The following PDE1C variants were observed in gnomAD, a reference collection of about 807,000 sequenced individuals.
PDE1C encodes dual specificity calcium/calmodulin-dependent 3',5'-cyclic nucleotide phosphodiesterase 1C.
PDE1C carries 62 observed loss-of-function variants against 93.1 expected under a neutral mutation model. The ratio of observed to expected loss-of-function variants is 0.67; its 90% CI spans 0.54 to 0.82. PDE1C has a LOEUF of 0.82. Among genes scored for constraint, PDE1C ranks in the 40% least tolerant of loss-of-function variants. The probability of loss-of-function intolerance (pLI) is 0.00; values close to 1 mark genes in which losing one functional copy is unlikely to be tolerated. For missense variants in PDE1C, 742 were observed against 884.6 expected (o/e 0.84, Z 2.04); for synonymous variants, 325 against 310.1 (o/e 1.05, Z -0.50).
At chr7:31,997,675 A>G (rs1386928148) in intron 2 of PDE1C, among the ~76,000 whole-genome samples, 1 of 152,196 alleles carries the variant, frequency 6.6e-6, no homozygotes, top group African/African-American at 2.4e-5. Flanking sequence ...AGATAACTTG[A>G]TATTTGAGAC....
At chr7:31,891,902 T>C (rs1194366883) in intron 2 of PDE1C, among the ~76,000 whole-genome samples, 1 of 152,098 alleles carries the variant, frequency 6.6e-6, no homozygotes, top group Non-Finnish European at 1.5e-5. Flanking sequence ...TATCAGTATC[T>C]TGGGTTGTGA....
At chr7:32,119,347 C>A (rs1368197495) in intron 3 of PDE1C, among the ~76,000 whole-genome samples, 1 of 152,178 alleles carries the variant, frequency 6.6e-6, no homozygotes, top group Non-Finnish European at 1.5e-5. Context: ...ACTTCAGGCT[C>A]CTGTTGGTAG....
At chr7:32,342,326 T>G (rs1783774370) in intron 1 of PDE1C, among the ~76,000 whole-genome samples, 2 of 152,218 alleles carry the variant, frequency 1.3e-5, no homozygotes, top group African/African-American at 2.4e-5. Context: ...CAACTTGAGT[T>G]AATCAATAAC....
intron 1 of PDE1C, among the ~76,000 whole-genome samples, chr7:32,284,003 C>G (rs1038459382): frequency 6.6e-6 from 1 of 152,114 alleles, no homozygotes; most frequent in African/African-American, 2.4e-5. Flanking sequence ...AGAAGCATCC[C>G]GAGGACATTT....
At chr7:32,387,768 C>T (rs1321942728) in intron 1 of PDE1C, among the ~76,000 whole-genome samples, 1,465 of 144,738 alleles carry the variant, frequency 0.01, 33 homozygotes, top group African/African-American at 0.037. Flanking sequence ...GCAGAGGCGC[C>T]CCTCACCTCC....
intron 1 of PDE1C, among the ~76,000 whole-genome samples, chr7:32,367,262 C>A (rs913674796): frequency 5.3e-5 from 8 of 152,044 alleles, no homozygotes; most frequent in Admixed American, 3.9e-4. Context: ...AAAGCCAATA[C>A]AGAAAGGAGA....
the PDE1C span, among the ~76,000 whole-genome samples, chr7:31,634,556 G>A: frequency 6.6e-6 from 1 of 152,276 alleles, no homozygotes; most frequent in African/African-American, 2.4e-5. Context: ...TCAGACTCCA[G>A]TAGAGCAGGC....
At chr7:31,823,985 C>T (rs1297191967) in intron 13 of PDE1C, among the ~76,000 whole-genome samples, 2 of 152,074 alleles carry the variant, frequency 1.3e-5, no homozygotes, top group Non-Finnish European at 2.9e-5. Context: ...GCCATGGGGA[C>T]TCTGGCAGGG....
chr7:31,707,065 T>C, the PDE1C span: 4 of 667,910 alleles, frequency 6.0e-6, no homozygotes, highest in Non-Finnish European at 5.0e-6. Context: ...CTTCTCTGGG[T>C]TGGTACTGTT....
chr7:31,982,901 C>T (rs1812581569), intron 2 of PDE1C, among the ~76,000 whole-genome samples: 1 of 152,178 alleles, frequency 6.6e-6, no homozygotes, highest in South Asian at 2.1e-4. Flanking sequence ...GACCAGTTAG[C>T]TCCTCTCTCC....
At chr7:31,987,181 G>T (rs17160741) in intron 2 of PDE1C, among the ~76,000 whole-genome samples, 10,776 of 151,976 alleles carry the variant, frequency 0.071, 575 homozygotes, top group East Asian at 0.3. Context: ...TTAGTGGAGC[G>T]GTGTTTTTAA....
In PDE1C at chr7:32,346,178, A is replaced by T. The variant is rs373015938; in HGVS notation, c.310+81644T>A. On this transcript the variant is annotated intron_variant, in intron 1 of 1. Coordinates refer to the PDE1C transcript ENST00000672256. ...TGCAGTTGCACATGGCCCCACACTCAGAAGGGCCTCTGAACTTAGGATTGA... is the reference window on the plus strand; with the variant it reads ...TGCAGTTGCACATGGCCCCACACTCTGAAGGGCCTCTGAACTTAGGATTGA... Among the ~76,000 whole-genome samples the T allele has an allele frequency of 4.6e-5, 7 of 152,346 alleles. 1 individual carries two copies. The highest frequency in any genetic ancestry group is 1.9e-4 in the East Asian group (1 of 5,178).
chr7:31,651,220 C>T, the PDE1C span: 7 of 1,613,442 alleles, frequency 4.3e-6, no homozygotes, highest in Middle Eastern at 1.6e-4. Flanking sequence ...TGAACAGCAC[C>T]TTATGGGACA....
At chr7:32,260,316 T>C (rs1810105803) in intron 1 of PDE1C, among the ~76,000 whole-genome samples, 1 of 152,248 alleles carries the variant, frequency 6.6e-6, no homozygotes, top group South Asian at 2.1e-4. Flanking sequence ...TCTGTGACCC[T>C]GGAAACCTTA....
At chr7:32,143,839 G>A (rs1800671523) in intron 3 of PDE1C, among the ~76,000 whole-genome samples, 1 of 152,098 alleles carries the variant, frequency 6.6e-6, no homozygotes, top group Admixed American at 6.6e-5. Context: ...GAAATTTGGT[G>A]TCCCTTACGT....
At chr7:31,662,978 T>C in the PDE1C span, among the ~76,000 whole-genome samples, 4 of 152,202 alleles carry the variant, frequency 2.6e-5, no homozygotes. Context: ...TAACTCTTCC[T>C]TGTCCTACAA....
At chr7:32,209,080 T>C (rs904050704) in intron 2 of PDE1C, among the ~76,000 whole-genome samples, 7 of 152,220 alleles carry the variant, frequency 4.6e-5, no homozygotes, top group Non-Finnish European at 1.0e-4. Context: ...ATTGAAAGGA[T>C]AGTCCTAGCA....
chr7:31,837,692 G>C (rs1225338059), intron 10 of PDE1C, among the ~76,000 whole-genome samples, 178 bp downstream of exon 10: 1 of 152,186 alleles, frequency 6.6e-6, no homozygotes, highest in Non-Finnish European at 1.5e-5. Flanking sequence ...ACCCTGATGA[G>C]AACATACCTT....
chr7:31,687,983 T>C, the PDE1C span, among the ~76,000 whole-genome samples: 1 of 152,174 alleles, frequency 6.6e-6, no homozygotes, highest in Admixed American at 6.5e-5. Context: ...AATGGGTTGG[T>C]TTTTGTCTTG....
Sources: gnomAD v4.1 joint callset for allele counts (sites outside exome capture counted in the v4.1 genomes callset) on GRCh38, gnomAD v4.1.1 for gene constraint, MANE v1.5 for transcripts, NCBI Gene and HGNC (gene_info 2026-07-23, HGNC 2026-07-21) for gene names.